Variants in DNAH8 observed in about 807,000 individuals in gnomAD.
The protein encoded by DNAH8 is axonemal beta dynein heavy chain 8.
A neutral mutation model predicts 562.1 loss-of-function variants in DNAH8; 382 were observed. The ratio of observed to expected loss-of-function variants is 0.68; its 90% CI spans 0.63 to 0.74. DNAH8 has a LOEUF of 0.74. Among genes scored for constraint, DNAH8 ranks in the 30% least tolerant of loss-of-function variants. The pLI is 0.00. For missense variants in DNAH8, 5,203 were observed against 5,620.4 expected, an observed-to-expected ratio of 0.93 and a Z score of 2.37; for synonymous variants, 1,881 against 1,919.4, an observed-to-expected ratio of 0.98 and a Z score of 0.52.
chr6:38,877,050 C>T (rs1778072665), intron 53 of DNAH8, among the ~76,000 whole-genome samples: 1 of 152,186 alleles, frequency 6.6e-6, no homozygotes, highest in Non-Finnish European at 1.5e-5. Flanking sequence ...TCTAGATATG[C>T]ACTCCCTTAG....
At chr6:38,895,946 G>A in intron 59 of DNAH8, 87 bp from the exon 60 acceptor site, 1 of 1,109,722 alleles carries the variant, frequency 9.0e-7, no homozygotes, top group Non-Finnish European at 1.3e-6. Flanking sequence ...AAGGTCCAGG[G>A]TGGGGCTGAG....
intron 3 of DNAH8, among the ~76,000 whole-genome samples, 179 bp from the exon 4 acceptor site, chr6:38,729,723 A>G (rs1410155034): frequency 1.3e-5 from 2 of 152,244 alleles, no homozygotes; most frequent in Non-Finnish European, 1.5e-5. Context: ...ATGTAGGTTC[A>G]GAAATATAAT....
chr6:38,917,856 G>A, intron 69 of DNAH8, 69 bp from the exon 70 acceptor site: 1 of 1,185,786 alleles, frequency 8.4e-7, no homozygotes, highest in East Asian at 2.4e-5. Context: ...ATTCAATTTA[G>A]AAGTACATAT....
intron 88 of DNAH8, among the ~76,000 whole-genome samples, chr6:39,006,124 T>C (rs1197787736): frequency 6.6e-6 from 1 of 152,254 alleles, no homozygotes; most frequent in Non-Finnish European, 1.5e-5. Context: ...GATCCTCTCC[T>C]ACATCCTATG....
At chr6:38,756,114 T>C in intron 10 of DNAH8, 35 bp downstream of exon 10, 1 of 1,301,038 alleles carries the variant, frequency 7.7e-7, no homozygotes, top group African/African-American at 1.5e-5. Context: ...CATGTCATCC[T>C]GTGAAAAAGT....
intron 13 of DNAH8, 59 bp downstream of exon 13, chr6:38,776,010 T>G: frequency 9.5e-7 from 1 of 1,047,286 alleles, no homozygotes; most frequent in Non-Finnish European, 1.4e-6. Flanking sequence ...TAGTACTATC[T>G]GGTACTTTTT....
intron 3 of DNAH8, among the ~76,000 whole-genome samples, chr6:38,724,369 A>G (rs1390201681): frequency 2.6e-5 from 4 of 152,184 alleles, no homozygotes; most frequent in Non-Finnish European, 5.9e-5. Flanking sequence ...CTTCTAATTC[A>G]GAATGATGTC....
intron 88 of DNAH8, among the ~76,000 whole-genome samples, chr6:38,992,724 C>A (rs1476204965): frequency 6.6e-6 from 1 of 152,132 alleles, no homozygotes; most frequent in African/African-American, 2.4e-5. Flanking sequence ...CAGGCTGTTT[C>A]ACTCACCAGC....
chr6:38,729,611 A>T (rs1582843558), intron 3 of DNAH8, among the ~76,000 whole-genome samples: 1 of 152,260 alleles, frequency 6.6e-6, no homozygotes, highest in Non-Finnish European at 1.5e-5. Flanking sequence ...TTCTTTTTTA[A>T]AAATATTTAC....
rs1273599948 is a variant in DNAH8 at position 38,850,290 on chromosome 6, A to C, written c.5239A>C (p.Lys1747Gln). 1 of 1,613,650 alleles carries C rather than the reference A, an allele frequency of 6.2e-7. No homozygotes were observed. Among genetic ancestry groups the C allele is most frequent in the South Asian group, 1.1e-5 (1 of 91,040 alleles). ...RFQNIDKSWI[K>Q]IMQRAHENPN... is the part of the protein sequence containing the mutation. ...TCAGAATATTGACAAGTCTTGGATA[A>C]AAATAATGCAGCGAGCTCATGAGAA... Residue 1747 changes from lysine to glutamine, a missense_variant, in exon 38 of 93, where the codon AAA becomes CAA. By Grantham distance (53) the Lys-to-Gln change is moderately conservative (BLOSUM62 1). Transcript: ENST00000327475.
At chr6:38,959,833 A>G (rs891962299) in intron 82 of DNAH8, among the ~76,000 whole-genome samples, 3 of 152,076 alleles carry the variant, frequency 2.0e-5, no homozygotes, top group African/African-American at 7.2e-5. Flanking sequence ...TAAAAAAAAA[A>G]GTTTAAGGCA....
intron 41 of DNAH8, among the ~76,000 whole-genome samples, chr6:38,854,020 G>A (rs1775980514): frequency 6.6e-6 from 1 of 151,540 alleles, no homozygotes; most frequent in African/African-American, 2.4e-5. Flanking sequence ...CTGTGTGTAA[G>A]TGCACGTGTG....
intron 88 of DNAH8, among the ~76,000 whole-genome samples, chr6:39,007,756 C>G (rs1457273514): frequency 6.6e-6 from 1 of 152,184 alleles, no homozygotes; most frequent in Non-Finnish European, 1.5e-5. Context: ...CACCCCAACC[C>G]TTACTTCTTA....
chr6:38,872,700 T>C lies in DNAH8; in HGVS notation c.7155T>C (p.Phe2385=). The change falls in exon 50 of 93, where the codon TTT becomes TTC. Residue 2385 remains phenylalanine (F), a synonymous_variant. Transcript: ENST00000327475. The part of the protein sequence containing the change: ...NPKAITAPQM[F]GRLDTATNDW... Reference sequence around the variant, plus strand: ...AAGCCATTACTGCACCTCAGATGTTTGGCAGACTGGACACTGCTACCAATG... The same window carrying C: ...AAGCCATTACTGCACCTCAGATGTTCGGCAGACTGGACACTGCTACCAATG... The C allele has an allele frequency of 6.2e-7, 1 of 1,614,110 alleles. No individual in the cohort carries two copies. The highest frequency in any genetic ancestry group is 8.5e-7 in the Non-Finnish European group (1 of 1,179,980).
At chr6:38,885,609 C>T (rs769858474) in intron 56 of DNAH8, among the ~76,000 whole-genome samples, 4 of 152,210 alleles carry the variant, frequency 2.6e-5, no homozygotes, top group African/African-American at 4.8e-5. Flanking sequence ...TCCCTCTTCC[C>T]GTGACTCTTT....
chr6:38,862,257 C>G, intron 43 of DNAH8, 23 bp from the exon 44 acceptor site: 2 of 1,603,238 alleles, frequency 1.2e-6, no homozygotes, highest in Non-Finnish European at 1.7e-6. Flanking sequence ...ACTCACAATG[C>G]TTTATTGGAT....
intron 12 of DNAH8, among the ~76,000 whole-genome samples, chr6:38,772,172 G>A (rs980263574): frequency 1.3e-5 from 2 of 151,612 alleles, no homozygotes; most frequent in African/African-American, 4.8e-5. Context: ...GGGACTACAG[G>A]TGCCCGCCAC....
At chr6:38,772,710 T>C (rs1767688082) in intron 12 of DNAH8, among the ~76,000 whole-genome samples, 1 of 152,136 alleles carries the variant, frequency 6.6e-6, no homozygotes, top group Non-Finnish European at 1.5e-5. Flanking sequence ...TTTAATGAAG[T>C]TCAATTTATC....
intron 58 of DNAH8, among the ~76,000 whole-genome samples, chr6:38,891,201 C>A (rs747673186): frequency 6.6e-6 from 1 of 152,134 alleles, no homozygotes; most frequent in Non-Finnish European, 1.5e-5. Flanking sequence ...TGAGCAGGAG[C>A]GTGAGTTAGT....
Sources: allele counts gnomAD v4.1 joint callset (sites outside exome capture counted in the v4.1 genomes callset), GRCh38; gene constraint gnomAD v4.1.1; transcripts MANE v1.5; gene names NCBI Gene and HGNC (gene_info 2026-07-23, HGNC 2026-07-21).